The following QTMAN variants were observed in gnomAD, a reference collection of about 807,000 sequenced individuals.
The protein encoded by QTMAN is queuosine-tRNA mannosyltransferase, also known as tRNA-queuosine alpha-mannosyltransferase.
the QTMAN span, among the ~76,000 whole-genome samples, chr2:144,184,553 C>T: frequency 6.6e-6 from 1 of 152,038 alleles, no homozygotes; most frequent in Admixed American, 6.6e-5. Flanking sequence ...ACGGTTAATA[C>T]AGTAATGAGA....
chr2:144,194,507 T>A, the QTMAN span, among the ~76,000 whole-genome samples: 7 of 152,206 alleles, frequency 4.6e-5, no homozygotes, highest in Non-Finnish European at 8.8e-5. Flanking sequence ...AAATTCACAC[T>A]GCGTGGGCTA....
the QTMAN span, among the ~76,000 whole-genome samples, chr2:144,065,041 T>A: frequency 6.6e-6 from 1 of 152,170 alleles, no homozygotes; most frequent in African/African-American, 2.4e-5. Flanking sequence ...TGGCCGAACA[T>A]ATCAGAATGT....
chr2:144,092,870 G>GTGTGT, the QTMAN span, among the ~76,000 whole-genome samples: 2,706 of 140,702 alleles, frequency 0.019, 74 homozygotes, highest in African/African-American at 0.053. Flanking sequence ...AAACTTTTGG[G>GTGTGT]GTGTGTGTGT....
chr2:144,212,447 A>T, the QTMAN span, among the ~76,000 whole-genome samples: 1 of 152,140 alleles, frequency 6.6e-6, no homozygotes. Flanking sequence ...GAGCAACAAG[A>T]GCAAAACTCC....
At chr2:144,180,253 T>C in the QTMAN span, among the ~76,000 whole-genome samples, 10 of 152,168 alleles carry the variant, frequency 6.6e-5, no homozygotes, top group Non-Finnish European at 1.5e-4. Context: ...AGTTAAAAGA[T>C]ACGCAATTTG....
the QTMAN span, among the ~76,000 whole-genome samples, chr2:144,265,295 T>C: frequency 2.0e-5 from 3 of 152,198 alleles, no homozygotes; most frequent in Admixed American, 1.3e-4. Flanking sequence ...TTGGCAGCAA[T>C]ACACCACTTT....
the QTMAN span, among the ~76,000 whole-genome samples, chr2:144,154,705 C>T: frequency 1.3e-4 from 20 of 152,024 alleles, no homozygotes; most frequent in Admixed American, 3.3e-4. Context: ...TGTGGTTCTC[C>T]AATATTTAAT....
chr2:143,992,351 G>GCTTGAAGGCAGCATGC, the QTMAN span, among the ~76,000 whole-genome samples: 2 of 146,954 alleles, frequency 1.4e-5, no homozygotes, highest in Non-Finnish European at 3.0e-5. Flanking sequence ...CTCGTTAAGA[G>GCTTGAAGGCAGCATGC]TCATCACCAC....
chr2:144,080,732 A>C, the QTMAN span, among the ~76,000 whole-genome samples: 179 of 152,286 alleles, frequency 1.2e-3, no homozygotes, highest in South Asian at 7.1e-3. Flanking sequence ...AATTTGAGTA[A>C]AGTGATGCTG....
the QTMAN span, among the ~76,000 whole-genome samples, chr2:144,098,401 TTTTTA>T: frequency 6.6e-6 from 1 of 152,136 alleles, no homozygotes; most frequent in Non-Finnish European, 1.5e-5. Context: ...TGCCAACTGT[TTTTTA>T]AAGTTCCTTT....
chr2:143,938,202 G>A, the QTMAN span: 21 of 152,180 alleles, frequency 1.4e-4, no homozygotes, highest in African/African-American at 5.1e-4. Flanking sequence ...TCCCCTCCAT[G>A]GCTCTGCGGC....
chr2:144,044,639 T>C, the QTMAN span, among the ~76,000 whole-genome samples: 12 of 152,332 alleles, frequency 7.9e-5, no homozygotes, highest in East Asian at 2.3e-3. Context: ...TAAGAGGAAC[T>C]AAATCTAAGT....
the QTMAN span, among the ~76,000 whole-genome samples, chr2:144,068,020 T>C: frequency 6.6e-6 from 1 of 152,214 alleles, no homozygotes. Context: ...TTAAACATTT[T>C]ATATGTTCCC....
At chr2:144,089,612 T>TA in the QTMAN span, among the ~76,000 whole-genome samples, 6 of 151,852 alleles carry the variant, frequency 4.0e-5, no homozygotes, top group Non-Finnish European at 8.8e-5. Flanking sequence ...TATTTGGTCA[T>TA]AAAAAAAGAA....
chr2:144,321,278 C>G, the QTMAN span, among the ~76,000 whole-genome samples: 1 of 152,212 alleles, frequency 6.6e-6, no homozygotes, highest in Non-Finnish European at 1.5e-5. Context: ...CTTGCTGTCA[C>G]TAAAGCTTTA....
At chr2:143,991,430 G>A in the QTMAN span, among the ~76,000 whole-genome samples, 1 of 148,952 alleles carries the variant, frequency 6.7e-6, no homozygotes, top group Admixed American at 6.6e-5. Context: ...CCGGGAGGGA[G>A]GTGGGGGGGT....
the QTMAN span, among the ~76,000 whole-genome samples, chr2:144,019,683 C>G: frequency 6.6e-6 from 1 of 152,074 alleles, no homozygotes; most frequent in Non-Finnish European, 1.5e-5. Flanking sequence ...CACTTCAACA[C>G]CAGAAAGGAT....
At chr2:144,298,997 C>CT in the QTMAN span, among the ~76,000 whole-genome samples, 2 of 151,960 alleles carry the variant, frequency 1.3e-5, no homozygotes, top group African/African-American at 2.4e-5. Flanking sequence ...TGGCAGGAGA[C>CT]TTTTTTTTCA....
At chr2:144,210,201 T>G in the QTMAN span, among the ~76,000 whole-genome samples, 11 of 152,292 alleles carry the variant, frequency 7.2e-5, no homozygotes, top group African/African-American at 1.9e-4. Context: ...ACTTCCAAGC[T>G]GTATGACCTT....
Sources: allele counts gnomAD v4.1 joint callset (sites outside exome capture counted in the v4.1 genomes callset), GRCh38; gene constraint gnomAD v4.1.1; transcripts MANE v1.5; gene names NCBI Gene and HGNC (gene_info 2026-07-23, HGNC 2026-07-21).